SLC24A2: variants seen among roughly 807,000 people sequenced by gnomAD.
SLC24A2 encodes sodium/potassium/calcium exchanger 2.
A neutral mutation model predicts 62.0 loss-of-function variants in SLC24A2; 36 were observed. The ratio of observed to expected loss-of-function variants is 0.58; its 90% CI spans 0.44 to 0.77. The LOEUF is 0.77. Ranked by LOEUF, SLC24A2 falls within the 30% of genes least tolerant of loss-of-function variation. The pLI is 0.00. For missense variants in SLC24A2, 846 were observed against 817.9 expected (o/e 1.03, Z -0.42); for synonymous variants, 358 against 294.0 (o/e 1.22, Z -2.23).
the SLC24A2 span, among the ~76,000 whole-genome samples, chr9:19,950,015 A>G: frequency 1.3e-5 from 2 of 152,180 alleles, no homozygotes; most frequent in Non-Finnish European, 2.9e-5. Context: ...CATTTAAAAA[A>G]CATCTCCTGA....
chr9:19,583,428 C>T (rs1490757096), intron 5 of SLC24A2, among the ~76,000 whole-genome samples: 1 of 152,174 alleles, frequency 6.6e-6, no homozygotes, highest in Non-Finnish European at 1.5e-5. Context: ...TATACTATAT[C>T]ATTATGACTA....
the SLC24A2 span, among the ~76,000 whole-genome samples, chr9:20,019,275 G>A: frequency 6.7e-6 from 1 of 148,304 alleles, no homozygotes; most frequent in African/African-American, 2.6e-5. Flanking sequence ...AAGAAAGAAA[G>A]AAAGAAAGAA....
At chr9:19,821,785 A>G in the SLC24A2 span, among the ~76,000 whole-genome samples, 1 of 152,170 alleles carries the variant, frequency 6.6e-6, no homozygotes, top group South Asian at 2.1e-4. Flanking sequence ...GTGTTTGTAG[A>G]TACATGTGTT....
chr9:19,595,605 T>C (rs1210204073), intron 5 of SLC24A2, among the ~76,000 whole-genome samples: 1 of 152,182 alleles, frequency 6.6e-6, no homozygotes, highest in African/African-American at 2.4e-5. Context: ...AGAATCAGAT[T>C]GGAAGTAGAA....
At chr9:20,104,716 G>C in the SLC24A2 span, among the ~76,000 whole-genome samples, 1 of 152,128 alleles carries the variant, frequency 6.6e-6, no homozygotes, top group East Asian at 1.9e-4. Context: ...ACATGGAAAG[G>C]AACAACCAGT....
the SLC24A2 span, among the ~76,000 whole-genome samples, chr9:20,266,998 C>G: frequency 1.3e-5 from 2 of 150,530 alleles, no homozygotes; most frequent in Non-Finnish European, 2.9e-5. Context: ...AGGAACATCA[C>G]TTGAGCCCAG....
chr9:19,707,938 T>G (rs1157345038), intron 2 of SLC24A2, among the ~76,000 whole-genome samples: 1 of 152,134 alleles, frequency 6.6e-6, no homozygotes, highest in East Asian at 1.9e-4. Flanking sequence ...TAAAGGGTAT[T>G]CAATTAGGAA....
chr9:20,194,756 C>T, the SLC24A2 span, among the ~76,000 whole-genome samples: 1 of 152,004 alleles, frequency 6.6e-6, no homozygotes, highest in Admixed American at 6.6e-5. Flanking sequence ...TAACTCTCCA[C>T]ATTTCTATTT....
intron 2 of SLC24A2, among the ~76,000 whole-genome samples, chr9:19,725,820 A>G (rs1274860437): frequency 1.3e-5 from 2 of 152,168 alleles, no homozygotes; most frequent in Admixed American, 6.6e-5. Flanking sequence ...CACTCAATGT[A>G]GCATATCTTA....
the SLC24A2 span, among the ~76,000 whole-genome samples, chr9:20,180,564 T>A: frequency 1.3e-5 from 2 of 152,316 alleles, no homozygotes; most frequent in Admixed American, 1.3e-4. Context: ...TTTTGGCATG[T>A]CTCCAGTTCT....
intron 8 of SLC24A2, among the ~76,000 whole-genome samples, chr9:19,532,910 T>A (rs909289308): frequency 2.6e-5 from 4 of 152,222 alleles, no homozygotes; most frequent in African/African-American, 9.7e-5. Flanking sequence ...ATCTTAGTCA[T>A]GAGAGAAGAT....
chr9:20,031,748 C>T, the SLC24A2 span, among the ~76,000 whole-genome samples: 1 of 152,088 alleles, frequency 6.6e-6, no homozygotes, highest in Non-Finnish European at 1.5e-5. Context: ...GCTGGTCAGC[C>T]CCAATCCTGA....
the SLC24A2 span, among the ~76,000 whole-genome samples, chr9:20,254,889 T>A: frequency 6.6e-6 from 1 of 152,314 alleles, no homozygotes; most frequent in Admixed American, 6.5e-5. Context: ...AGATACATCT[T>A]ACATGGCAGC....
intron 2 of SLC24A2, among the ~76,000 whole-genome samples, chr9:19,743,977 G>A (rs1394779348): frequency 6.6e-6 from 1 of 152,040 alleles, no homozygotes; most frequent in African/African-American, 2.4e-5. Context: ...ATAGCTTTGT[G>A]CCCTTAAGAG....
chr9:19,535,621 AT>A (rs1375289952), intron 8 of SLC24A2, among the ~76,000 whole-genome samples: 15 of 152,250 alleles, frequency 9.9e-5, no homozygotes, highest in African/African-American at 3.1e-4. Context: ...TCCTTTCCCC[AT>A]TTCTTGTTTT....
At chr9:20,037,380 A>C in the SLC24A2 span, among the ~76,000 whole-genome samples, 2,865 of 152,224 alleles carry the variant, frequency 0.019, 89 homozygotes, top group African/African-American at 0.062. Context: ...GATTCCACAG[A>C]TGCAGAACTC....
At chr9:19,704,391 A>AAG (rs761294032) in intron 2 of SLC24A2, among the ~76,000 whole-genome samples, 10 of 135,076 alleles carry the variant, frequency 7.4e-5, no homozygotes, top group Middle Eastern at 3.8e-3. Context: ...GAAATAGGGA[A>AAG]AGAGAGAGAG....
chr9:19,809,146 A>AT, the SLC24A2 span, among the ~76,000 whole-genome samples: 2 of 151,896 alleles, frequency 1.3e-5, no homozygotes, highest in Admixed American at 1.3e-4. Flanking sequence ...TATAACTTTA[A>AT]TTTTTTTTAT....
At chr9:20,294,098 C>G in the SLC24A2 span, among the ~76,000 whole-genome samples, 3 of 152,088 alleles carry the variant, frequency 2.0e-5, no homozygotes, top group South Asian at 6.2e-4. Flanking sequence ...TGTTTTGTTT[C>G]CTGGACTTTG....
Sources: allele counts gnomAD v4.1 joint callset (sites outside exome capture counted in the v4.1 genomes callset), GRCh38; gene constraint gnomAD v4.1.1; transcripts MANE v1.5; gene names NCBI Gene and HGNC (gene_info 2026-07-23, HGNC 2026-07-21).